BFSP2: variants seen among roughly 807,000 people sequenced by gnomAD.
BFSP2 encodes the protein beaded filament structural protein 2.
A neutral mutation model predicts 44.9 loss-of-function variants in BFSP2; 38 were observed. That is an observed-to-expected ratio of 0.85 (90% confidence interval 0.65 to 1.11). The LOEUF (loss-of-function observed/expected upper bound fraction) is 1.11. Ranked by LOEUF, BFSP2 falls within the 50% of genes least tolerant of loss-of-function variation. The pLI, the probability that BFSP2 is intolerant of heterozygous loss-of-function variation, is 0.00. For synonymous variants in BFSP2, 197 were observed against 209.9 expected, an observed-to-expected ratio of 0.94 and a Z score of 0.53; for missense variants, 525 against 533.0, an observed-to-expected ratio of 0.99 and a Z score of 0.15.
At chr3:133,447,209 G>C in intron 1 of BFSP2, 108 bp from the exon 2 acceptor site, 1 of 1,079,064 alleles carries the variant, frequency 9.3e-7, no homozygotes, top group South Asian at 1.3e-5. Context: ...CTGTAAGAAA[G>C]GTTCTCTGAG....
chr3:133,431,911 C>T (rs909460746), intron 1 of BFSP2, among the ~76,000 whole-genome samples: 10 of 152,156 alleles, frequency 6.6e-5, no homozygotes, highest in African/African-American at 2.4e-4. Flanking sequence ...ATCTGCTTCC[C>T]TGACTATTCC....
intron 1 of BFSP2, chr3:133,445,383 G>A (rs2073888062): frequency 6.6e-6 from 1 of 152,236 alleles, no homozygotes; most frequent in South Asian, 2.1e-4. Flanking sequence ...AGCTTGCTGA[G>A]ACACAAATTG....
In BFSP2 at chr3:133,419,101, C is replaced by T. The variant is rs547782293; in HGVS notation, c.489+18529C>T. 1.2e-4 allele frequency among the ~76,000 whole-genome samples: 18 copies of T among 152,294 alleles called. No homozygotes were observed. The South Asian group carries it at 3.7e-3, about 32-fold the overall frequency. ...TTGGCTCATGGAAGGGCATCTTCAC[C>T]CCGTGTCCTCACACAGGCTTCCCTC... On this transcript the variant is annotated intron_variant, in intron 1 of 6. Transcript: ENST00000302334.
chr3:133,439,610 A>G (rs2073824747), intron 1 of BFSP2, among the ~76,000 whole-genome samples: 1 of 152,222 alleles, frequency 6.6e-6, no homozygotes, highest in South Asian at 2.1e-4. Context: ...AGACAAAGGA[A>G]AGTAGGAGGC....
intron 2 of BFSP2, among the ~76,000 whole-genome samples, chr3:133,447,880 A>T (rs1181337491): frequency 1.3e-5 from 2 of 152,218 alleles, no homozygotes; most frequent in African/African-American, 4.8e-5. Flanking sequence ...GCAGTGCACA[A>T]GCCATAGACT....
chr3:133,400,498 C>T lies in BFSP2; in HGVS notation c.415C>T (p.His139Tyr), dbSNP rs1162118045. The part of the protein sequence containing the change: ...SQELETQLRM[H>Y]LESKATRSGN... ...GGAGCTGGAAACACAACTGCGGATGCACCTGGAGAGCAAAGCCACACGCTC... is the reference window on the plus strand; with the variant it reads ...GGAGCTGGAAACACAACTGCGGATGTACCTGGAGAGCAAAGCCACACGCTC... The change falls in exon 1 of 7, where the codon CAC (histidine) becomes TAC (tyrosine). Residue 139 changes from histidine to tyrosine, a missense_variant. His to Tyr is a moderately conservative substitution (Grantham distance 83). Transcript: ENST00000302334. This position sits in a 1 kb window ranked among gnomAD's most constrained non-coding sequence, Gnocchi z 4.0. 1.2e-6 allele frequency: 2 copies of T among 1,613,986 alleles called. No individual in the cohort carries two copies. Among genetic ancestry groups the T allele is most frequent in the Non-Finnish European group, 1.7e-6 (2 of 1,180,038 alleles).
intron 1 of BFSP2, among the ~76,000 whole-genome samples, chr3:133,439,200 T>A (rs570834545): frequency 6.6e-6 from 1 of 152,390 alleles, no homozygotes; most frequent in South Asian, 2.1e-4. Context: ...GTTTTGTTGC[T>A]TCTATGCGGG....
At chr3:133,402,995 C>G (rs2073374317) in intron 1 of BFSP2, among the ~76,000 whole-genome samples, 1 of 152,110 alleles carries the variant, frequency 6.6e-6, no homozygotes, top group African/African-American at 2.4e-5. Context: ...ATATTAAACT[C>G]TATTCCATCA....
intron 1 of BFSP2, among the ~76,000 whole-genome samples, chr3:133,425,653 A>G (rs1021348393): frequency 7.3e-5 from 11 of 151,706 alleles, no homozygotes; most frequent in Non-Finnish European, 1.3e-4. Context: ...AGGGCCAAGC[A>G]CCTAGCAAGG....
At chr3:133,428,962 A>G (rs1440496131) in intron 1 of BFSP2, among the ~76,000 whole-genome samples, 4 of 152,174 alleles carry the variant, frequency 2.6e-5, no homozygotes, top group Non-Finnish European at 5.9e-5. Context: ...TAATTATGAA[A>G]TATTTTTAAC....
intron 4 of BFSP2, among the ~76,000 whole-genome samples, chr3:133,458,358 G>A (rs554953700): frequency 6.6e-6 from 1 of 152,184 alleles, no homozygotes; most frequent in Non-Finnish European, 1.5e-5. Flanking sequence ...GTCTCATTGA[G>A]GTAGGTACTG....
intron 5 of BFSP2, among the ~76,000 whole-genome samples, chr3:133,470,826 G>A (rs573368337): frequency 1.3e-5 from 2 of 152,334 alleles, no homozygotes; most frequent in African/African-American, 2.4e-5. Flanking sequence ...TCAAGAGCAT[G>A]CATGAGCTTG....
rs952470992 is a variant in BFSP2, at chr3:133,403,776, G to A, written c.489+3204G>A. On this transcript the variant is annotated intron_variant, in intron 1 of 6. Coordinates refer to ENST00000302334, the MANE Select transcript of BFSP2 (RefSeq NM_003571.4). ...AGAAAGCTCCTGGGGCCATTCTGGG[G>A]AGTGGGGGTCCCCTGTCCCCTGGAA... is the stretch of plus-strand genomic sequence containing the variant. Among the ~76,000 whole-genome samples, 7 of 152,244 alleles carry A rather than the reference G, an allele frequency of 4.6e-5. 1 individual carries two copies. The highest frequency in any genetic ancestry group is 1.5e-5 in the Non-Finnish European group (1 of 67,994).
At chr3:133,425,969 AT>A (rs1421788300) in intron 1 of BFSP2, among the ~76,000 whole-genome samples, 45 of 444 alleles carry the variant, frequency 0.1, no homozygotes, top group African/African-American at 0.13. Context: ...GGGGGAGGGG[AT>A]GGGGGAGGGG....
At chr3:133,449,982 A>AAAGAAGGAAAGGAAGG (rs1553782756) in intron 3 of BFSP2, among the ~76,000 whole-genome samples, 2 of 86,286 alleles carry the variant, frequency 2.3e-5, no homozygotes, top group Non-Finnish European at 4.6e-5. Flanking sequence ...GGAAAGAAGG[A>AAAGAAGGAAAGGAAGG]AAGGAAGGAA....
chr3:133,428,824 C>T (rs145894707), intron 1 of BFSP2, among the ~76,000 whole-genome samples: 2 of 152,198 alleles, frequency 1.3e-5, no homozygotes, highest in African/African-American at 2.4e-5. Flanking sequence ...CTCTGACCTG[C>T]CTTCTCCATC....
In BFSP2 at chr3:133,475,136, T is replaced by A; in HGVS notation, c.*164T>A. On this transcript the variant is annotated 3_prime_UTR_variant, in exon 7 of 7. Coordinates refer to ENST00000302334, the MANE Select transcript of BFSP2 (RefSeq NM_003571.4). ...GGAAGTGGAGAGGATCCTTCTGCTT[T>A]AATCTGAGTAGTCTGTAGCTTGAGC... 1.1e-6 allele frequency: 1 copy of A among 937,864 alleles called. No homozygotes were observed. Among genetic ancestry groups the A allele is most frequent in the Non-Finnish European group, 1.7e-6 (1 of 585,630 alleles). The allele number at this position is 937,864 out of a possible 1,614,324, so 58.1% of individuals were successfully genotyped here. A position where few individuals can be genotyped will look rare whatever the true frequency, so the allele number is the denominator to read the frequency against.
At chr3:133,415,363 T>TGCCCTCTCTCCC (rs375805065) in intron 1 of BFSP2, among the ~76,000 whole-genome samples, 25 of 78,874 alleles carry the variant, frequency 3.2e-4, no homozygotes, top group East Asian at 4.6e-4. Context: ...TACTCACCCC[T>TGCCCTCTCTCCC]CTACTCAACC....
chr3:133,411,344 T>C (rs976961154), intron 1 of BFSP2, among the ~76,000 whole-genome samples: 1 of 152,058 alleles, frequency 6.6e-6, no homozygotes, highest in African/African-American at 2.4e-5. Flanking sequence ...AGAGGAATTA[T>C]CTTTTTATAG....
Sources: allele counts gnomAD v4.1 joint callset (sites outside exome capture counted in the v4.1 genomes callset), GRCh38; gene constraint gnomAD v4.1.1; non-coding constraint Gnocchi (gnomAD v3.1); transcripts MANE v1.5; gene names NCBI Gene and HGNC (gene_info 2026-07-23, HGNC 2026-07-21).